AFF4: variants seen among roughly 807,000 people sequenced by gnomAD.
AFF4 encodes the protein ALF transcription elongation factor 4.
In AFF4, 13 loss-of-function variants were observed where a neutral mutation model predicts 124.8. The observed-to-expected ratio is 0.10, with a 90% CI of 0.07 to 0.17. AFF4 has a LOEUF of 0.17. Ranked by LOEUF, AFF4 falls within the 10% of genes least tolerant of loss-of-function variation. The probability of loss-of-function intolerance (pLI) is 1.00; values close to 1 mark genes in which losing one functional copy is unlikely to be tolerated. For missense variants in AFF4, 1,092 were observed against 1,403.8 expected (o/e 0.78, Z 3.55); for synonymous variants, 477 against 496.1 (o/e 0.96, Z 0.51).
intron 2 of AFF4, among the ~76,000 whole-genome samples, chr5:132,935,307 G>C (rs1330149819): frequency 6.6e-6 from 1 of 152,178 alleles, no homozygotes; most frequent in South Asian, 2.1e-4. Context: ...GGGTAACATA[G>C]CAAGACTGTC....
intron 1 of AFF4, among the ~76,000 whole-genome samples, chr5:132,958,757 T>A (rs1230109438): frequency 1.3e-5 from 2 of 151,998 alleles, no homozygotes; most frequent in Non-Finnish European, 2.9e-5. Context: ...AATGATGACA[T>A]GAAAAGGAAA....
intron 1 of AFF4, among the ~76,000 whole-genome samples, chr5:132,961,505 G>A (rs538631342): frequency 1.3e-5 from 2 of 152,186 alleles, no homozygotes; most frequent in East Asian, 1.9e-4. Flanking sequence ...GATTACAGGC[G>A]TGAACCACCA....
chr5:132,961,570 C>A (rs1762083162), intron 1 of AFF4, among the ~76,000 whole-genome samples: 1 of 152,130 alleles, frequency 6.6e-6, no homozygotes, highest in Non-Finnish European at 1.5e-5. Context: ...CAAGAGTACA[C>A]AGAAGAGAAT....
In AFF4 at chr5:132,880,225, GT is replaced by G; in HGVS notation, c.*833del. The G allele has an allele frequency of 2.5e-6, 1 of 398,916 alleles. No individual in the cohort carries two copies. 24.7% of individuals were successfully genotyped at this position (398,916 alleles called of 1,614,324 possible). Reference sequence around the variant, plus strand: ...ATAACATATGGTTTTAATAAAATCCGTAACGTTCAGGATTGTCCTTTTATGA... The same window carrying G: ...ATAACATATGGTTTTAATAAAATCCGAACGTTCAGGATTGTCCTTTTATGA... On this transcript the variant is annotated 3_prime_UTR_variant, in exon 21 of 21. Transcript: ENST00000265343.
chr5:132,926,900 A>G (rs913484889), intron 5 of AFF4: 1 of 448,284 alleles, frequency 2.2e-6, no homozygotes, highest in African/African-American at 2.1e-5. Flanking sequence ...ATTGCCTTCA[A>G]AGCTTTCTTA....
At chr5:132,957,481 C>T (rs1050970862) in intron 1 of AFF4, among the ~76,000 whole-genome samples, 1 of 151,556 alleles carries the variant, frequency 6.6e-6, no homozygotes, top group Non-Finnish European at 1.5e-5. Context: ...ACGTATAATC[C>T]CAGCACTTTG....
In AFF4 at chr5:132,877,480, A is replaced by G. The variant is rs1345437920; in HGVS notation, c.*3579T>C. The G allele has an allele frequency of 4.7e-6, 1 of 214,324 alleles. No homozygotes were observed. The highest frequency in any genetic ancestry group is 5.8e-5 in the Admixed American group (1 of 17,104). 13.3% of individuals were successfully genotyped at this position (214,324 alleles called of 1,614,324 possible). ...AATAGTTGCACTAAGCTAAAATACT[A>G]AACACACACATATTTGACAAACTAA... On this transcript the variant is annotated 3_prime_UTR_variant, in exon 21 of 21. Coordinates refer to ENST00000265343, the MANE Select transcript of AFF4 (RefSeq NM_014423.4).
Position 132,955,795 on chromosome 5 carries a change from A to AAAT in AFF4, c.-5+7463_-5+7464insATT, listed in dbSNP as rs1554079227. ...TCCATCTCAAAAAAAAAAAAAAAAA[A>AAAT]ATATATATATATATATATACACACA... On this transcript the variant is annotated intron_variant, in intron 1 of 20. Coordinates refer to ENST00000265343, the MANE Select transcript of AFF4 (RefSeq NM_014423.4). 4.4e-3 allele frequency among the ~76,000 whole-genome samples: 514 copies of AAAT among 117,440 alleles called. 9 individuals carry two copies. Among genetic ancestry groups the AAAT allele is most frequent in the African/African-American group, 0.015 (430 of 27,868 alleles). The allele number at this position is 117,440 out of a possible 152,430, so 77.0% of individuals were successfully genotyped here.
rs1761365912 is a variant in AFF4 at position 132,934,217 on chromosome 5, C to T, written c.848G>A (p.Ser283Asn). The T allele has an allele frequency of 6.8e-6, 11 of 1,614,166 alleles. No individual in the cohort carries two copies. The highest frequency in any genetic ancestry group is 1.1e-5 in the South Asian group (1 of 91,086). The change falls in exon 3 of 21, where the codon AGC becomes AAC. Residue 283 changes from serine (S) to asparagine (N), a missense_variant. Transcript: ENST00000265343. ...GCTGCTGGGCTTCAGCTCAGTCATG[C>T]TGTTGCCATGGGATTGGCTGCTGTA... ...EHYSSQSHGN[S>N]MTELKPSSKA...
chr5:132,938,672 A>G (rs1026032175), intron 1 of AFF4, among the ~76,000 whole-genome samples: 10 of 151,876 alleles, frequency 6.6e-5, no homozygotes, highest in Non-Finnish European at 7.4e-5. Context: ...TAACGGCCTG[A>G]GCGGCTCACG....
intron 11 of AFF4, among the ~76,000 whole-genome samples, chr5:132,895,339 A>T (rs3798128): frequency 0.5 from 76,385 of 152,066 alleles, 19,422 homozygotes; most frequent in South Asian, 0.59. Context: ...CTGAATATAT[A>T]TCATCTGCAC....
chr5:132,901,097 G>A (rs1760539912), intron 7 of AFF4: 2 of 985,418 alleles, frequency 2.0e-6, no homozygotes, highest in Non-Finnish European at 2.4e-6. Flanking sequence ...CTTTCAGACA[G>A]GGGCTTAGTG....
intron 5 of AFF4, among the ~76,000 whole-genome samples, chr5:132,921,732 C>T (rs1761052490): frequency 6.6e-6 from 1 of 152,036 alleles, no homozygotes; most frequent in Non-Finnish European, 1.5e-5. Context: ...TCCCAAAGTG[C>T]TGGGATTACA....
At chr5:132,927,756 A>G (rs1761212087) in intron 4 of AFF4, among the ~76,000 whole-genome samples, 1 of 152,232 alleles carries the variant, frequency 6.6e-6, no homozygotes, top group South Asian at 2.1e-4. Flanking sequence ...TCATCCTCAA[A>G]AGTCTGGCTA....
At chr5:132,911,647 AGAC>A (rs1760792590) in intron 5 of AFF4, among the ~76,000 whole-genome samples, 1 of 151,980 alleles carries the variant, frequency 6.6e-6, no homozygotes, top group African/African-American at 2.4e-5. Flanking sequence ...GAGTCCTTGA[AGAC>A]GACGACAAAA....
intron 1 of AFF4, among the ~76,000 whole-genome samples, chr5:132,945,678 G>A (rs1581330142): frequency 6.6e-6 from 1 of 152,266 alleles, no homozygotes; most frequent in South Asian, 2.1e-4. Context: ...CTTGAACCTG[G>A]GAGGTGGAGG....
Position 132,880,770 on chromosome 5 carries a change from C to T in AFF4, c.*289G>A, listed in dbSNP as rs967615815. On this transcript the variant is annotated 3_prime_UTR_variant, in exon 21 of 21. Transcript: ENST00000265343. Reference sequence around the variant, plus strand: ...AATTAAAATAAATAAAATTTCAATTCATTAGTTATGAATTGCAACTGGAAT... The same window carrying T: ...AATTAAAATAAATAAAATTTCAATTTATTAGTTATGAATTGCAACTGGAAT... 3.3e-6 allele frequency: 1 copy of T among 303,892 alleles called. No individual in the cohort carries two copies. Among genetic ancestry groups the T allele is most frequent in the African/African-American group, 2.1e-5 (1 of 47,156 alleles). The allele number at this position is 303,892 out of a possible 1,614,324, so 18.8% of individuals were successfully genotyped here. A position where few individuals can be genotyped will look rare whatever the true frequency, so the allele number is the denominator to read the frequency against.
chr5:132,941,878 C>A (rs932767875), intron 1 of AFF4, among the ~76,000 whole-genome samples: 2 of 151,848 alleles, frequency 1.3e-5, no homozygotes, highest in Non-Finnish European at 2.9e-5. Flanking sequence ...CATGGTGGCA[C>A]ATGCCTTAAT....
Position 132,885,125 on chromosome 5 carries a change from GA to G in AFF4, c.3100-7del. ...TGAGAATTATTATAAGAATTCTGTG[GA>G]AAAAGTAAAATGTACTTAACAACAA... is the stretch of plus-strand genomic sequence containing the variant. On this transcript the variant is annotated splice_polypyrimidine_tract_variant and splice_region_variant and intron_variant, in intron 18 of 20. Transcript: ENST00000265343. 1 of 1,591,712 alleles carries G rather than the reference GA, an allele frequency of 6.3e-7. No homozygotes were observed. Among genetic ancestry groups the G allele is most frequent in the Non-Finnish European group, 8.5e-7 (1 of 1,169,938 alleles).
Sources: allele counts gnomAD v4.1 joint callset (sites outside exome capture counted in the v4.1 genomes callset), GRCh38; gene constraint gnomAD v4.1.1; transcripts MANE v1.5; gene names NCBI Gene and HGNC (gene_info 2026-07-23, HGNC 2026-07-21).